The following TDRD3 variants were observed in gnomAD, a reference collection of about 807,000 sequenced individuals.
The protein encoded by TDRD3 is tudor domain containing 3.
In TDRD3, 45 loss-of-function variants were observed where a neutral mutation model predicts 86.7. The observed-to-expected ratio is 0.52, with a 90% confidence interval of 0.41 to 0.67. TDRD3 has a LOEUF of 0.67. Among genes scored for constraint, TDRD3 ranks in the 30% least tolerant of loss-of-function variants. The pLI, the probability that TDRD3 is intolerant of heterozygous loss-of-function variation, is 0.00. For missense variants in TDRD3, 814 were observed against 889.0 expected (o/e 0.92, Z 1.07); for synonymous variants, 298 against 301.7 (o/e 0.99, Z 0.13).
chr13:60,467,182 T>A, intron 4 of TDRD3, 56 bp from the exon 5 acceptor site: 1 of 1,595,820 alleles, frequency 6.3e-7, no homozygotes, highest in South Asian at 1.1e-5. Flanking sequence ...TTTCCCGCCC[T>A]GTGTCCATGT....
intron 12 of TDRD3, among the ~76,000 whole-genome samples, chr13:60,562,277 C>A (rs1353375314): frequency 6.6e-6 from 1 of 152,032 alleles, no homozygotes; most frequent in East Asian, 1.9e-4. Context: ...TGCACCACTG[C>A]ATTCCAGCCT....
chr13:60,526,013 C>A (rs546923004), intron 10 of TDRD3, among the ~76,000 whole-genome samples: 68 of 152,270 alleles, frequency 4.5e-4, no homozygotes, highest in African/African-American at 1.4e-3. Context: ...AATTCTGCCA[C>A]ATCTGCCAAG....
intron 10 of TDRD3, among the ~76,000 whole-genome samples, chr13:60,512,893 G>A (rs1957089874): frequency 6.6e-6 from 1 of 152,136 alleles, no homozygotes; most frequent in Non-Finnish European, 1.5e-5. Flanking sequence ...CCATTCTAGG[G>A]TCTGGAGGAT....
At chr13:60,400,293 G>A (rs1358204094) in intron 1 of TDRD3, among the ~76,000 whole-genome samples, 4 of 152,160 alleles carry the variant, frequency 2.6e-5, no homozygotes, top group Admixed American at 6.5e-5. Context: ...CCTGATCACT[G>A]TGAGTGGAAA....
At position 60,555,954 on chromosome 13, in the gene TDRD3, C is replaced by T. The variant is rs368628295; in HGVS notation, c.2119-11571C>T. On this transcript the variant is annotated intron_variant, in intron 12 of 13. Coordinates refer to ENST00000377881, the MANE Select transcript of TDRD3 (RefSeq NM_001146070.2). Reference sequence around the variant, plus strand: ...CAAGCTCCACCTCCCAGGTTCACGCCATTCTCCTGCCTCAGCCTCCTTAGT... The same window carrying T: ...CAAGCTCCACCTCCCAGGTTCACGCTATTCTCCTGCCTCAGCCTCCTTAGT... Among the ~76,000 whole-genome samples, 6 of 151,612 alleles carry T rather than the reference C, an allele frequency of 4.0e-5. No individual in the cohort carries two copies. In the East Asian group the frequency reaches 5.8e-4, roughly 15 times the overall value.
At chr13:60,457,431 A>G (rs1224779013) in intron 3 of TDRD3, among the ~76,000 whole-genome samples, 2 of 152,240 alleles carry the variant, frequency 1.3e-5, no homozygotes, top group East Asian at 1.9e-4. Context: ...ACCACAGAAC[A>G]TGTAGGCTTG....
intron 1 of TDRD3, among the ~76,000 whole-genome samples, chr13:60,434,951 C>T (rs1161069607): frequency 2.6e-5 from 4 of 152,114 alleles, no homozygotes; most frequent in African/African-American, 9.7e-5. Flanking sequence ...TGTTGTTCTT[C>T]AGTTACTGTG....
chr13:60,529,022 A>C lies in TDRD3; in HGVS notation c.1797A>C (p.Arg599=). ...GEVEMPLKGR[R]IGPIKPAGPV... ...TAGAAATGCCACTGAAAGGAAGACGAATAGGACCTATTAAGCCAGCAGGAC... is the reference window on the plus strand; with the variant it reads ...TAGAAATGCCACTGAAAGGAAGACGCATAGGACCTATTAAGCCAGCAGGAC... The change falls in exon 11 of 14, where the codon CGA becomes CGC. Residue 599 remains arginine, a synonymous_variant. Transcript: ENST00000377881. 4.3e-6 allele frequency: 7 copies of C among 1,614,096 alleles called. No homozygotes were observed. Among genetic ancestry groups the C allele is most frequent in the Non-Finnish European group, 5.9e-6 (7 of 1,179,966 alleles).
intron 5 of TDRD3, among the ~76,000 whole-genome samples, chr13:60,481,779 G>A (rs1442918467): frequency 6.6e-6 from 1 of 152,074 alleles, no homozygotes; most frequent in African/African-American, 2.4e-5. Flanking sequence ...GTCTTGACAT[G>A]CCTTGTAGTT....
chr13:60,433,888 A>G (rs368832480), intron 1 of TDRD3, among the ~76,000 whole-genome samples: 1 of 152,214 alleles, frequency 6.6e-6, no homozygotes, highest in Non-Finnish European at 1.5e-5. Flanking sequence ...TTTCAAAGAA[A>G]TGGATCAAAA....
In TDRD3 at chr13:60,528,523, C is replaced by A; in HGVS notation, c.1298C>A (p.Ser433Tyr). 6.2e-7 allele frequency: 1 copy of A among 1,613,908 alleles called. No individual in the cohort carries two copies. The highest frequency in any genetic ancestry group is 8.5e-7 in the Non-Finnish European group (1 of 1,179,920). ...AAACCGCCTCGTTTTCAAAGAGACT[C>A]CCAAAATTCAAAGTCAGTTTTAGAA... ...NEKPPRFQRD[S>Y]QNSKSVLEGS... Residue 433 changes from serine to tyrosine, a missense_variant, in exon 11 of 14, where the codon TCC (serine) becomes TAC (tyrosine). Coordinates refer to ENST00000377881, the MANE Select transcript of TDRD3 (RefSeq NM_001146070.2).
chr13:60,502,388 G>A (rs1956853174), intron 8 of TDRD3, among the ~76,000 whole-genome samples: 1 of 152,048 alleles, frequency 6.6e-6, no homozygotes, highest in Non-Finnish European at 1.5e-5. Flanking sequence ...TATAAGCTTT[G>A]GATCATAATT....
intron 12 of TDRD3, among the ~76,000 whole-genome samples, chr13:60,564,592 C>T (rs1441976070): frequency 2.6e-5 from 4 of 152,176 alleles, no homozygotes; most frequent in African/African-American, 9.7e-5. Context: ...TTGGGAAAAT[C>T]ACTTCACCTC....
At chr13:60,442,962 G>C (rs1955315273) in intron 2 of TDRD3, among the ~76,000 whole-genome samples, 1 of 152,022 alleles carries the variant, frequency 6.6e-6, no homozygotes, top group South Asian at 2.1e-4. Flanking sequence ...CCAGAAATGA[G>C]GGACCATGAT....
intron 1 of TDRD3, among the ~76,000 whole-genome samples, chr13:60,400,737 C>T (rs1246053790): frequency 2.2e-5 from 2 of 91,366 alleles, no homozygotes; most frequent in Non-Finnish European, 4.6e-5. Flanking sequence ...GACTGTGTCT[C>T]AAAAAAAAAA....
intron 12 of TDRD3, among the ~76,000 whole-genome samples, chr13:60,566,720 A>T (rs915005216): frequency 3.9e-5 from 6 of 152,176 alleles, no homozygotes; most frequent in Non-Finnish European, 1.5e-5. Context: ...ACAGGGTGGC[A>T]GTACTCAGTA....
rs1168276930 is a variant in TDRD3 at position 60,567,400 on chromosome 13, T to C, written c.2119-125T>C. The C allele has an allele frequency of 1.8e-5, 22 of 1,228,564 alleles. No individual in the cohort carries two copies. In the East Asian group the frequency reaches 5.3e-4, roughly 30 times the overall value. The allele number at this position is 1,228,564 out of a possible 1,614,324, so 76.1% of individuals were successfully genotyped here. ...CCCTTGCCTCCCTCTGTTGTAAAAG[T>C]TGACATGTGTGAATTCCAGGGCAGC... On this transcript the variant is annotated intron_variant, in intron 12 of 13. Coordinates refer to ENST00000377881, the MANE Select transcript of TDRD3 (RefSeq NM_001146070.2).
intron 12 of TDRD3, among the ~76,000 whole-genome samples, chr13:60,544,941 C>T (rs1165262913): frequency 6.6e-6 from 1 of 152,056 alleles, no homozygotes; most frequent in Admixed American, 6.6e-5. Context: ...GGAAGGAGAT[C>T]AGTAATTATT....
chr13:60,570,290 C>G (rs1308663991), intron 13 of TDRD3, among the ~76,000 whole-genome samples: 1 of 151,920 alleles, frequency 6.6e-6, no homozygotes, highest in Non-Finnish European at 1.5e-5. Context: ...ATACAGATGC[C>G]CAACAGGTAT....
Sources: allele counts gnomAD v4.1 joint callset (sites outside exome capture counted in the v4.1 genomes callset), GRCh38; gene constraint gnomAD v4.1.1; transcripts MANE v1.5; gene names NCBI Gene and HGNC (gene_info 2026-07-23, HGNC 2026-07-21).